The following FOXP1 variants were observed in gnomAD, a reference collection of about 807,000 sequenced individuals.
FOXP1 encodes the protein forkhead box P1, also known as forkhead box protein P1.
Under a neutral mutation model 98.2 loss-of-function variants are expected in FOXP1, and 15 were observed. That is an observed-to-expected ratio of 0.15 (90% confidence interval 0.10 to 0.24). FOXP1 has a LOEUF of 0.24. Among genes scored for constraint, FOXP1 ranks in the 10% least tolerant of loss-of-function variants. The pLI, the probability that FOXP1 is intolerant of heterozygous loss-of-function variation, is 1.00. For missense variants in FOXP1, 633 were observed against 848.5 expected, an observed-to-expected ratio of 0.75 and a Z score of 3.15; for synonymous variants, 371 against 314.5, an observed-to-expected ratio of 1.18 and a Z score of -1.90.
intron 5 of FOXP1, among the ~76,000 whole-genome samples, chr3:71,297,692 T>C (rs368965140): frequency 2.7e-5 from 4 of 149,572 alleles, no homozygotes; most frequent in African/African-American, 7.3e-5. Context: ...CTCAGTTCAC[T>C]GCAACCTCTG....
intron 2 of FOXP1, among the ~76,000 whole-genome samples, chr3:71,572,997 C>G (rs561446815): frequency 5.3e-5 from 8 of 152,156 alleles, no homozygotes; most frequent in Non-Finnish European, 1.0e-4. Flanking sequence ...TTCAGTAATT[C>G]GGACACTGGT....
At chr3:71,038,017 C>T (rs1455593524) in intron 11 of FOXP1, among the ~76,000 whole-genome samples, 6 of 152,204 alleles carry the variant, frequency 3.9e-5, no homozygotes, top group East Asian at 1.9e-4. Flanking sequence ...GTAGGAGTGT[C>T]GTGCCAAGCA....
In FOXP1 at chr3:71,063,956, G is replaced by C. The variant is rs759750010; in HGVS notation, c.283-10183C>G. Among the ~76,000 whole-genome samples the C allele has an allele frequency of 4.6e-5, 7 of 152,264 alleles. No individual in the cohort carries two copies. In the South Asian group the frequency reaches 8.3e-4, roughly 18 times the overall value. ...TACTTGGGGAGGAGAGGGGTAAAAA[G>C]TCCCGTTTCCACTGACCGTCCTTCA... On this transcript the variant is annotated intron_variant, in intron 7 of 20. Coordinates refer to ENST00000649528, the MANE Select transcript of FOXP1 (RefSeq NM_001349338.3).
In FOXP1 at chr3:71,574,956, C is replaced by T. The variant is rs1366318505; in HGVS notation, c.-298+6593G>A. ...TTTCTTCTCTTAGGTTTCACAATGG[C>T]CAACCAATTCAATTAAACTCTTAAG... On this transcript the variant is annotated intron_variant, in intron 2 of 20. Coordinates refer to ENST00000649528, the MANE Select transcript of FOXP1 (RefSeq NM_001349338.3). Among the ~76,000 whole-genome samples the T allele has an allele frequency of 2.6e-5, 4 of 152,172 alleles. No individual in the cohort carries two copies. The East Asian group carries it at 7.7e-4, about 29-fold the overall frequency.
intron 6 of FOXP1, among the ~76,000 whole-genome samples, chr3:71,118,562 C>T (rs1322385212): frequency 6.6e-6 from 1 of 152,076 alleles, no homozygotes; most frequent in African/African-American, 2.4e-5. Context: ...CACTTGGTGA[C>T]GGGGTCTGAG....
chr3:71,552,810 A>AGATAGTCTATCTTAG, intron 2 of FOXP1, among the ~76,000 whole-genome samples: 1 of 152,038 alleles, frequency 6.6e-6, no homozygotes, highest in Non-Finnish European at 1.5e-5. Context: ...TATCATCCTA[A>AGATAGTCTATCTTAG]GATAGACTAT....
At chr3:71,513,866 C>A (rs183917349) in intron 2 of FOXP1, among the ~76,000 whole-genome samples, 1 of 152,228 alleles carries the variant, frequency 6.6e-6, no homozygotes, top group Non-Finnish European at 1.5e-5. Flanking sequence ...TTAAGGCTAG[C>A]TCTACCTATC....
chr3:71,506,931 C>G (rs1325456088), intron 2 of FOXP1, among the ~76,000 whole-genome samples: 4 of 152,206 alleles, frequency 2.6e-5, no homozygotes, highest in Non-Finnish European at 5.9e-5. Context: ...CCAAGCATTG[C>G]TGAGATTAAA....
chr3:71,548,002 G>C (rs536279502), intron 2 of FOXP1, among the ~76,000 whole-genome samples: 3 of 152,188 alleles, frequency 2.0e-5, no homozygotes, highest in African/African-American at 7.2e-5. Flanking sequence ...AGAGGACAAA[G>C]GGCTTTGGAA....
chr3:71,291,414 T>C (rs1168285846), intron 5 of FOXP1, among the ~76,000 whole-genome samples: 4 of 152,222 alleles, frequency 2.6e-5, no homozygotes, highest in Non-Finnish European at 5.9e-5. Flanking sequence ...TTGTAGATTT[T>C]ACACTGCACA....
chr3:71,298,401 G>T (rs1183932429), intron 5 of FOXP1, among the ~76,000 whole-genome samples: 2 of 152,032 alleles, frequency 1.3e-5, no homozygotes, highest in East Asian at 3.9e-4. Context: ...GGAGGCAGAG[G>T]TTGCAGTGAG....
At chr3:71,506,359 C>T (rs1420469781) in intron 2 of FOXP1, among the ~76,000 whole-genome samples, 4 of 152,146 alleles carry the variant, frequency 2.6e-5, no homozygotes, top group Non-Finnish European at 5.9e-5. Flanking sequence ...TGCATGTAAA[C>T]CTTGAAACAG....
intron 9 of FOXP1, among the ~76,000 whole-genome samples, chr3:71,052,329 G>A (rs1455542802): frequency 6.6e-6 from 1 of 152,138 alleles, no homozygotes; most frequent in Non-Finnish European, 1.5e-5. Flanking sequence ...AGGTACACGT[G>A]CAGTGGTGTT....
chr3:71,336,438 C>G (rs781637555), intron 4 of FOXP1, among the ~76,000 whole-genome samples: 1 of 151,952 alleles, frequency 6.6e-6, no homozygotes, highest in East Asian at 2.0e-4. Context: ...CCCTCCACCC[C>G]CCGATAGGCC....
intron 7 of FOXP1, among the ~76,000 whole-genome samples, chr3:71,082,593 C>T (rs914719241): frequency 2.7e-5 from 4 of 149,092 alleles, no homozygotes; most frequent in African/African-American, 9.9e-5. Flanking sequence ...CCTGCACGTT[C>T]TGCACATGTA....
chr3:71,298,539 C>T lies in FOXP1; in HGVS notation c.-12+1281G>A, dbSNP rs112238897. ...AGCAAAGGGAAGTGTCTTGCTGTGGCCTGATAATCCCAATTACTGGTTGGG... is the reference window on the plus strand; with the variant it reads ...AGCAAAGGGAAGTGTCTTGCTGTGGTCTGATAATCCCAATTACTGGTTGGG... On this transcript the variant is annotated intron_variant, in intron 5 of 20. Coordinates refer to ENST00000649528, the MANE Select transcript of FOXP1 (RefSeq NM_001349338.3). Among the ~76,000 whole-genome samples, 800 of 152,220 alleles carry T rather than the reference C, an allele frequency of 5.3e-3. 8 individuals are homozygous for T. The highest frequency in any genetic ancestry group is 0.018 in the African/African-American group (768 of 41,522).
chr3:71,546,185 G>A (rs772015368), intron 2 of FOXP1, among the ~76,000 whole-genome samples: 6 of 152,106 alleles, frequency 3.9e-5, no homozygotes, highest in African/African-American at 9.7e-5. Flanking sequence ...GCCAGCTGGC[G>A]AGGGTTAGTG....
At position 71,024,644 on chromosome 3, in the gene FOXP1, G is replaced by A. The variant is rs530710217; in HGVS notation, c.870-8991C>T. ...CTGCTTTTCAAATCATGTTTAATTA[G>A]AGGATTTCACATTCCCATGTGATAC... is the stretch of plus-strand genomic sequence containing the variant. On this transcript the variant is annotated intron_variant, in intron 11 of 20. Coordinates refer to ENST00000649528, the MANE Select transcript of FOXP1 (RefSeq NM_001349338.3). 2.0e-5 allele frequency among the ~76,000 whole-genome samples: 3 copies of A among 152,166 alleles called. No homozygotes were observed. In the East Asian group the frequency reaches 5.8e-4, roughly 29 times the overall value.
chr3:71,113,468 C>T (rs775135718), intron 6 of FOXP1, among the ~76,000 whole-genome samples: 2 of 152,092 alleles, frequency 1.3e-5, no homozygotes, highest in Admixed American at 6.6e-5. Flanking sequence ...TTGTGGCTCA[C>T]GCCTGTAATC....
Sources: allele counts gnomAD v4.1 joint callset (sites outside exome capture counted in the v4.1 genomes callset), GRCh38; gene constraint gnomAD v4.1.1; transcripts MANE v1.5; gene names NCBI Gene and HGNC (gene_info 2026-07-23, HGNC 2026-07-21).